TBC1D22A: variants seen among roughly 807,000 people sequenced by gnomAD.
TBC1D22A encodes the protein putative GTPase activator.
Under a neutral mutation model 60.2 loss-of-function variants are expected in TBC1D22A, and 38 were observed. The observed-to-expected ratio is 0.63, with a 90% CI of 0.49 to 0.83. The LOEUF (loss-of-function observed/expected upper bound fraction) is 0.83. Ranked by LOEUF, TBC1D22A falls within the 40% of genes least tolerant of loss-of-function variation. The pLI is 0.00. For missense variants in TBC1D22A, 628 were observed against 701.0 expected (o/e 0.90, Z 1.18); for synonymous variants, 302 against 281.7 (o/e 1.07, Z -0.72).
chr22:47,026,646 ACAATT>A (rs2062267596), intron 10 of TBC1D22A, among the ~76,000 whole-genome samples: 1 of 152,254 alleles, frequency 6.6e-6, no homozygotes, highest in Non-Finnish European at 1.5e-5. Flanking sequence ...AATGAGCAAT[ACAATT>A]TATAATAGCA....
intron 8 of TBC1D22A, among the ~76,000 whole-genome samples, chr22:46,920,735 A>G (rs1295491676): frequency 6.6e-6 from 1 of 151,848 alleles, no homozygotes; most frequent in Non-Finnish European, 1.5e-5. Flanking sequence ...GAAACAATAT[A>G]TAATTTTTAT....
chr22:46,860,532 C>T (rs1193198136), intron 4 of TBC1D22A, among the ~76,000 whole-genome samples: 22 of 135,512 alleles, frequency 1.6e-4, no homozygotes, highest in South Asian at 2.5e-4. Context: ...AGTGCCGTGC[C>T]CCTTCCTGGG....
At chr22:47,152,542 C>T (rs2067544574) in intron 12 of TBC1D22A, among the ~76,000 whole-genome samples, 3 of 152,228 alleles carry the variant, frequency 2.0e-5, no homozygotes, top group African/African-American at 7.2e-5. Flanking sequence ...CCACAACCCC[C>T]CACGTAGCTG....
At chr22:46,868,264 C>T (rs894395581) in intron 4 of TBC1D22A, among the ~76,000 whole-genome samples, 7 of 152,286 alleles carry the variant, frequency 4.6e-5, no homozygotes, top group African/African-American at 1.4e-4. Context: ...ATTGTCCTCA[C>T]GAGTGGCTGA....
At chr22:46,870,103 C>G (rs1432833799) in intron 4 of TBC1D22A, among the ~76,000 whole-genome samples, 1 of 152,186 alleles carries the variant, frequency 6.6e-6, no homozygotes, top group Non-Finnish European at 1.5e-5. Context: ...TGTATTGTCT[C>G]TTTGTTCCTT....
At chr22:46,906,055 G>A (rs557330794) in intron 7 of TBC1D22A, among the ~76,000 whole-genome samples, 14 of 152,094 alleles carry the variant, frequency 9.2e-5, no homozygotes, top group Non-Finnish European at 1.9e-4. Context: ...CACGTGCGGG[G>A]CGCCTGGGAC....
At chr22:47,153,687 C>T (rs2067595985) in intron 12 of TBC1D22A, among the ~76,000 whole-genome samples, 1 of 152,026 alleles carries the variant, frequency 6.6e-6, no homozygotes, top group Admixed American at 6.6e-5. Flanking sequence ...GGAGGTGTGC[C>T]TAGAACCCGC....
At chr22:47,140,380 A>C (rs1425224309) in intron 12 of TBC1D22A, among the ~76,000 whole-genome samples, 2 of 151,874 alleles carry the variant, frequency 1.3e-5, no homozygotes, top group Non-Finnish European at 2.9e-5. Flanking sequence ...GACCACAGTG[A>C]AACCCCGTCT....
At chr22:47,100,468 G>C (rs2065370329) in intron 11 of TBC1D22A, among the ~76,000 whole-genome samples, 1 of 152,106 alleles carries the variant, frequency 6.6e-6, no homozygotes, top group Admixed American at 6.5e-5. Context: ...CGGGTGATAT[G>C]GTTTGGCTGT....
At position 46,793,621 on chromosome 22, in the gene TBC1D22A, G is replaced by T; in HGVS notation, c.240G>T (p.Glu80Asp). 6.2e-7 allele frequency: 1 copy of T among 1,613,896 alleles called. No homozygotes were observed. The change falls in exon 3 of 13, where the codon GAG (glutamate) becomes GAT (aspartate). Residue 80 changes from glutamate (E) to aspartate (D), a missense_variant. Transcript: ENST00000337137. ...DAWDAGEDDD[E>D]LLAMAAESLN... ...GGGACGCTGGGGAGGACGACGATGAGCTCCTGGCCATGGCGGCGGAGAGCC... is the reference window on the plus strand; with the variant it reads ...GGGACGCTGGGGAGGACGACGATGATCTCCTGGCCATGGCGGCGGAGAGCC...
At chr22:46,893,554 C>A (rs930368763) in intron 6 of TBC1D22A, among the ~76,000 whole-genome samples, 53 of 152,320 alleles carry the variant, frequency 3.5e-4, no homozygotes, top group Admixed American at 1.2e-3. Context: ...TGGCTCAGAC[C>A]TGGTTCCTGC....
chr22:46,854,104 G>A (rs900253281), intron 4 of TBC1D22A, among the ~76,000 whole-genome samples: 1 of 152,160 alleles, frequency 6.6e-6, no homozygotes, highest in Non-Finnish European at 1.5e-5. Context: ...CCTTGGTTGG[G>A]ACTCTGCCTG....
At chr22:46,854,213 T>C (rs964605724) in intron 4 of TBC1D22A, among the ~76,000 whole-genome samples, 48 of 152,280 alleles carry the variant, frequency 3.2e-4, no homozygotes, top group African/African-American at 1.2e-3. Flanking sequence ...ATGTGTCACG[T>C]GTGATAGGAA....
At chr22:47,119,912 T>C (rs1415832521) in intron 12 of TBC1D22A, among the ~76,000 whole-genome samples, 1 of 152,194 alleles carries the variant, frequency 6.6e-6, no homozygotes, top group Non-Finnish European at 1.5e-5. Context: ...ACTGCATCCT[T>C]ATGTGGTGGA....
intron 8 of TBC1D22A, among the ~76,000 whole-genome samples, chr22:46,955,783 C>T (rs1204689957): frequency 1.3e-5 from 2 of 152,218 alleles, no homozygotes; most frequent in African/African-American, 2.4e-5. Context: ...CTCTTCCAGT[C>T]TTTTGCTGTG....
chr22:46,837,820 T>G (rs1250082916), intron 4 of TBC1D22A, among the ~76,000 whole-genome samples: 1 of 152,092 alleles, frequency 6.6e-6, no homozygotes, highest in African/African-American at 2.4e-5. Context: ...TCCCAGCACT[T>G]TGGGAGGTCG....
chr22:46,906,461 C>G (rs1198154746), intron 7 of TBC1D22A, among the ~76,000 whole-genome samples: 1 of 152,230 alleles, frequency 6.6e-6, no homozygotes, highest in African/African-American at 2.4e-5. Flanking sequence ...GGCCTGAACA[C>G]AGCTTGCAGG....
chr22:47,074,743 T>A (rs757644731), intron 11 of TBC1D22A, among the ~76,000 whole-genome samples: 14 of 152,208 alleles, frequency 9.2e-5, no homozygotes, highest in Admixed American at 3.3e-4. Context: ...CTGAGAGCCA[T>A]CCTACCGCCT....
intron 10 of TBC1D22A, among the ~76,000 whole-genome samples, chr22:47,004,051 A>G (rs962107483): frequency 3.1e-4 from 45 of 145,316 alleles, no homozygotes; most frequent in African/African-American, 1.1e-3. Context: ...GCACCCCTAT[A>G]TACACACACC....
Sources: gnomAD v4.1 joint callset for allele counts (sites outside exome capture counted in the v4.1 genomes callset) on GRCh38, gnomAD v4.1.1 for gene constraint, MANE v1.5 for transcripts, NCBI Gene and HGNC (gene_info 2026-07-23, HGNC 2026-07-21) for gene names.